Variants in ZNF705G observed in about 807,000 individuals in gnomAD.
ZNF705G encodes zinc finger protein 705G.
Under a neutral mutation model 19.6 loss-of-function variants are expected in ZNF705G, and 23 were observed. That is an observed-to-expected ratio of 1.17 (90% confidence interval 0.84 to 1.66). The LOEUF is 1.66. Ranked by LOEUF, ZNF705G falls within the 40% of genes most tolerant of loss-of-function variation. The pLI is 0.00. For missense variants in ZNF705G, 457 were observed against 354.4 expected (o/e 1.29, Z -2.32); for synonymous variants, 146 against 117.7 (o/e 1.24, Z -1.56).
intron 3 of ZNF705G, among the ~76,000 whole-genome samples, chr8:7,362,098 A>G (rs1371161035): frequency 6.7e-6 from 1 of 149,354 alleles, no homozygotes; most frequent in Admixed American, 6.6e-5. Flanking sequence ...TTCTCACTAC[A>G]CTTGTTCAAA....
At chr8:7,379,918 C>A (rs556502034) in intron 2 of ZNF705G, among the ~76,000 whole-genome samples, 1 of 144,386 alleles carries the variant, frequency 6.9e-6, no homozygotes, top group African/African-American at 2.9e-5. Flanking sequence ...TGGGGCCCAA[C>A]AGCCCCTGCA....
In ZNF705G at chr8:7,356,544, T is replaced by G. The variant is rs1484747213; in HGVS notation, c.*1432A>C. The G allele has an allele frequency of 1.3e-5, 2 of 149,690 alleles. No individual in the cohort carries two copies. The highest frequency in any genetic ancestry group is 5.1e-5 in the African/African-American group (2 of 39,060). The allele number at this position is 149,690 out of a possible 1,614,324, so 9.3% of individuals were successfully genotyped here. ...CCATTTCCCTGCTAAATCTATGCAA[T>G]GACACACTGAGAAATCTAGCAAGTG... On this transcript the variant is annotated 3_prime_UTR_variant, in exon 7 of 7. Transcript: ENST00000400156.
chr8:7,369,236 G>A lies in ZNF705G; in HGVS notation c.-71-6219C>T, dbSNP rs1459843945. Among the ~76,000 whole-genome samples, 5 of 149,456 alleles carry A rather than the reference G, an allele frequency of 3.3e-5. 1 individual carries two copies. The highest frequency in any genetic ancestry group is 2.1e-4 in the South Asian group (1 of 4,766). On this transcript the variant is annotated intron_variant, in intron 2 of 6. Transcript: ENST00000400156. ...AAATTTGAGGTGAGATTTGGGTGGGGACACAGAGCCAAACCATATCAGAAG... is the reference window on the plus strand; with the variant it reads ...AAATTTGAGGTGAGATTTGGGTGGGAACACAGAGCCAAACCATATCAGAAG...
chr8:7,370,046 T>TC (rs1222609530), intron 2 of ZNF705G, among the ~76,000 whole-genome samples: 3 of 147,800 alleles, frequency 2.0e-5, no homozygotes, highest in Admixed American at 6.6e-5. Flanking sequence ...AAAGTTGAAT[T>TC]TTTTTTTAAA....
intron 2 of ZNF705G, among the ~76,000 whole-genome samples, chr8:7,369,443 C>T (rs3989714): frequency 0.24 from 34,826 of 145,718 alleles, 2,533 homozygotes; most frequent in Non-Finnish European, 0.3. Context: ...CAGCCACCAT[C>T]CTCCAGACCC....
intron 2 of ZNF705G, among the ~76,000 whole-genome samples, chr8:7,367,243 A>T (rs1280964588): frequency 1.3e-5 from 2 of 149,390 alleles, no homozygotes; most frequent in East Asian, 1.9e-4. Flanking sequence ...GCAGGGCAGG[A>T]GAGGGCTCTT....
intron 2 of ZNF705G, among the ~76,000 whole-genome samples, chr8:7,381,055 A>C (rs1232180801): frequency 1.5e-5 from 2 of 130,502 alleles, no homozygotes. Flanking sequence ...AAAAAAAAAC[A>C]CAACACATCT....
At chr8:7,380,363 C>T (rs1280189503) in intron 2 of ZNF705G, among the ~76,000 whole-genome samples, 1 of 147,514 alleles carries the variant, frequency 6.8e-6, no homozygotes, top group African/African-American at 2.7e-5. Context: ...GTCATTGGCA[C>T]CTGTGCATGC....
At chr8:7,367,250 T>A (rs1426457214) in intron 2 of ZNF705G, among the ~76,000 whole-genome samples, 1 of 149,350 alleles carries the variant, frequency 6.7e-6, no homozygotes, top group Non-Finnish European at 1.5e-5. Context: ...AGGAGAGGGC[T>A]CTTCCCCTAC....
chr8:7,364,066 T>G (rs1489735421), intron 2 of ZNF705G, among the ~76,000 whole-genome samples: 1 of 149,498 alleles, frequency 6.7e-6, no homozygotes, highest in Admixed American at 6.6e-5. Context: ...TTTACTAACG[T>G]GGTATCTAAA....
rs1806257655 is a variant in ZNF705G at position 7,356,481 on chromosome 8, C to T, written c.*1495G>A. 1 of 149,792 alleles carries T rather than the reference C, an allele frequency of 6.7e-6. No homozygotes were observed. The highest frequency in any genetic ancestry group is 1.5e-5 in the Non-Finnish European group (1 of 68,104). 9.3% of individuals were successfully genotyped at this position (149,792 alleles called of 1,614,324 possible). A position where few individuals can be genotyped will look rare whatever the true frequency, so the allele number is the denominator to read the frequency against. On this transcript the variant is annotated 3_prime_UTR_variant, in exon 7 of 7. Coordinates refer to ENST00000400156, the MANE Select transcript of ZNF705G (RefSeq NM_001164457.3). The stretch of plus-strand genomic sequence containing the variant: ...TAGAGACAGAGGAAAGGGCTGCGGA[C>T]ACCCAAATGCATATACAAGGTGTCT...
chr8:7,359,962 T>A (rs1200289727), intron 5 of ZNF705G, among the ~76,000 whole-genome samples: 4 of 149,300 alleles, frequency 2.7e-5, no homozygotes, highest in Non-Finnish European at 4.4e-5. Flanking sequence ...CACAGGGGTA[T>A]CAGGAAAAGA....
chr8:7,361,103 G>A lies in ZNF705G; in HGVS notation c.139+7C>T, dbSNP rs2128836510. ...CTACATATGTACATGAATGTTCAGGGACTCACCGAGGGACACCAGGTGACT... is the reference window on the plus strand; with the variant it reads ...CTACATATGTACATGAATGTTCAGGAACTCACCGAGGGACACCAGGTGACT... On this transcript the variant is annotated splice_region_variant and intron_variant, in intron 4 of 6. Transcript: ENST00000400156. 3 of 1,592,550 alleles carry A rather than the reference G, an allele frequency of 1.9e-6. No homozygotes were observed. The highest frequency in any genetic ancestry group is 2.5e-6 in the Non-Finnish European group (3 of 1,179,390).
At position 7,357,442 on chromosome 8, in the gene ZNF705G, A is replaced by G. The variant is rs1806326163; in HGVS notation, c.*534T>C. 6.0e-6 allele frequency: 1 copy of G among 166,648 alleles called. No individual in the cohort carries two copies. The highest frequency in any genetic ancestry group is 2.5e-5 in the African/African-American group (1 of 39,264). The allele number at this position is 166,648 out of a possible 1,614,324, so 10.3% of individuals were successfully genotyped here. On this transcript the variant is annotated 3_prime_UTR_variant, in exon 7 of 7. Transcript: ENST00000400156. ...ATACAAATAAAGGGTTCATCCAAGT[A>G]AAGTTTTCTCATGTTATTTGACAAT...
rs1329353789 is a variant in ZNF705G at position 7,361,250 on chromosome 8, G to A, written c.13-14C>T. 1 of 1,592,538 alleles carries A rather than the reference G, an allele frequency of 6.3e-7. No homozygotes were observed. The highest frequency in any genetic ancestry group is 8.5e-7 in the Non-Finnish European group (1 of 1,179,302). On this transcript the variant is annotated splice_polypyrimidine_tract_variant and intron_variant, in intron 3 of 6. Coordinates refer to ENST00000400156, the MANE Select transcript of ZNF705G (RefSeq NM_001164457.3). Reference sequence around the variant, plus strand: ...AGTCAGTTTCTTCTAAAACATCACAGACATTTTAGTTTAGACAGAGAAATT... The same window carrying A: ...AGTCAGTTTCTTCTAAAACATCACAAACATTTTAGTTTAGACAGAGAAATT...
chr8:7,365,756 AG>A (rs1273198086), intron 2 of ZNF705G, among the ~76,000 whole-genome samples: 2 of 149,584 alleles, frequency 1.3e-5, no homozygotes, highest in African/African-American at 5.1e-5. Context: ...AAAAATTAAG[AG>A]GCCGACTTGT....
chr8:7,383,254 T>C (rs1316391779), intron 1 of ZNF705G, among the ~76,000 whole-genome samples: 3 of 148,658 alleles, frequency 2.0e-5, no homozygotes, highest in South Asian at 4.2e-4. Context: ...CTTAATCATG[T>C]AGTGCAATGC....
Position 7,358,493 on chromosome 8 carries a change from GA to G in ZNF705G, c.385del (p.Ser129ProfsTer3). The G allele has an allele frequency of 6.2e-7, 1 of 1,607,598 alleles. No individual in the cohort carries two copies. The highest frequency in any genetic ancestry group is 2.3e-4 in the Middle Eastern group (1 of 4,422). On this transcript the variant is annotated frameshift_variant, in exon 7 of 7. Coordinates refer to ENST00000400156, the MANE Select transcript of ZNF705G (RefSeq NM_001164457.3). LOFTEE classifies it low-confidence loss of function (END_TRUNC). ...AGTTAACAAACACTGAGTTATTGTG[GA>G]ACTGCGAGTGCAATCTTCTCCCGAA... ...NDSGEDCTRS[S>X]TITQCLLTHS...
Position 7,368,723 on chromosome 8 carries a change from A to G in ZNF705G, c.-71-5706T>C, listed in dbSNP as rs1399533417. The stretch of plus-strand genomic sequence containing the variant: ...CTCCTCAAAGGCCTGGAGGCCTAGG[A>G]GGGAAGAATCATTTTGTGAGCTGGG... On this transcript the variant is annotated intron_variant, in intron 2 of 6. Transcript: ENST00000400156. Among the ~76,000 whole-genome samples the G allele has an allele frequency of 2.7e-5, 4 of 149,642 alleles. 1 individual carries two copies. The highest frequency in any genetic ancestry group is 1.9e-4 in the East Asian group (1 of 5,184).
Sources: allele counts gnomAD v4.1 joint callset (sites outside exome capture counted in the v4.1 genomes callset), GRCh38; gene constraint gnomAD v4.1.1; transcripts MANE v1.5; gene names NCBI Gene and HGNC (gene_info 2026-07-23, HGNC 2026-07-21).